SORCS1: variants seen among roughly 807,000 people sequenced by gnomAD.
SORCS1 encodes VPS10 domain-containing receptor SorCS1.
Under a neutral mutation model 146.1 loss-of-function variants are expected in SORCS1, and 60 were observed. That is an observed-to-expected ratio of 0.41 (90% CI 0.33 to 0.51). SORCS1 has a LOEUF of 0.51. SORCS1 is among the 20% of genes least tolerant of loss of function. The pLI, the probability that SORCS1 is intolerant of heterozygous loss-of-function variation, is 0.21. For missense variants in SORCS1, 1,352 were observed against 1,487.6 expected (o/e 0.91, Z 1.50); for synonymous variants, 637 against 584.0 (o/e 1.09, Z -1.31).
chr10:106,680,526 G>A (rs996157439), intron 10 of SORCS1, among the ~76,000 whole-genome samples: 57 of 152,144 alleles, frequency 3.7e-4, no homozygotes. Context: ...AGTCACACTT[G>A]TAGACAAAAT....
At chr10:106,822,501 G>C (rs1177557892) in intron 3 of SORCS1, among the ~76,000 whole-genome samples, 2 of 152,120 alleles carry the variant, frequency 1.3e-5, no homozygotes, top group Non-Finnish European at 2.9e-5. Context: ...TGAAACCCAG[G>C]GGATTACTGT....
intron 3 of SORCS1, among the ~76,000 whole-genome samples, chr10:106,780,894 G>A (rs1860837953): frequency 6.6e-6 from 1 of 151,746 alleles, no homozygotes; most frequent in African/African-American, 2.4e-5. Flanking sequence ...ACTTCAGAAG[G>A]AAGAAGAAAC....
At chr10:106,742,339 T>C (rs1857421186) in intron 5 of SORCS1, among the ~76,000 whole-genome samples, 1 of 152,184 alleles carries the variant, frequency 6.6e-6, no homozygotes, top group Admixed American at 6.5e-5. Context: ...AAAATCCATT[T>C]ATGTTTTATA....
At chr10:106,668,194 A>G (rs1006497903) in intron 16 of SORCS1, among the ~76,000 whole-genome samples, 3 of 152,200 alleles carry the variant, frequency 2.0e-5, no homozygotes, top group Non-Finnish European at 2.9e-5. Context: ...TAACACGGCC[A>G]CATGTGGCAC....
At chr10:106,578,185 GAC>G (rs1844680565) in intron 25 of SORCS1, 1 of 152,172 alleles carries the variant, frequency 6.6e-6, no homozygotes, top group African/African-American at 2.4e-5. Flanking sequence ...AATGCCAACA[GAC>G]AGGAGGAACC....
At chr10:107,112,264 C>A (rs908532014) in intron 1 of SORCS1, among the ~76,000 whole-genome samples, 1 of 151,918 alleles carries the variant, frequency 6.6e-6, no homozygotes, top group African/African-American at 2.4e-5. Flanking sequence ...TGGGGCAGTA[C>A]AAACATAGAG....
chr10:107,174,052 T>G, the SORCS1 span, among the ~76,000 whole-genome samples: 2 of 152,218 alleles, frequency 1.3e-5, no homozygotes, highest in Admixed American at 1.3e-4. Flanking sequence ...AGGATTGCAT[T>G]GTATGTATAG....
chr10:106,961,935 C>T (rs1376129063), intron 1 of SORCS1, among the ~76,000 whole-genome samples: 1 of 152,238 alleles, frequency 6.6e-6, no homozygotes, highest in Non-Finnish European at 1.5e-5. Flanking sequence ...CTGCTTTCTT[C>T]TACCATCAGC....
intron 21 of SORCS1, 123 bp downstream of exon 21, chr10:106,618,026 C>T: frequency 1.5e-6 from 2 of 1,316,986 alleles, no homozygotes; most frequent in Non-Finnish European, 1.0e-6. Flanking sequence ...AGCTCTTTCT[C>T]AACTACTGCC....
intron 5 of SORCS1, among the ~76,000 whole-genome samples, chr10:106,730,959 C>T (rs1461581354): frequency 5.3e-5 from 8 of 152,110 alleles, no homozygotes; most frequent in Admixed American, 5.2e-4. Flanking sequence ...CCTCTGCCTG[C>T]CCCCAGCCAC....
At chr10:106,799,308 A>G (rs1026949837) in intron 3 of SORCS1, among the ~76,000 whole-genome samples, 1 of 152,348 alleles carries the variant, frequency 6.6e-6, no homozygotes, top group East Asian at 1.9e-4. Flanking sequence ...ACCATTCAGG[A>G]CCTAGGCATG....
chr10:106,948,469 C>T (rs1219257726), intron 2 of SORCS1, among the ~76,000 whole-genome samples: 1 of 151,544 alleles, frequency 6.6e-6, no homozygotes, highest in African/African-American at 2.4e-5. Flanking sequence ...AGCCAGGGGT[C>T]CAAGACCAGT....
chr10:106,936,851 T>A (rs747142518), intron 2 of SORCS1, among the ~76,000 whole-genome samples: 1 of 152,214 alleles, frequency 6.6e-6, no homozygotes, highest in Non-Finnish European at 1.5e-5. Context: ...GGTAGGAAAC[T>A]ATTCTTCAAG....
Position 106,829,623 on chromosome 10 carries a change from A to G in SORCS1, c.677T>C (p.Leu226Ser). The G allele has an allele frequency of 6.2e-7, 1 of 1,608,602 alleles. No individual in the cohort carries two copies. Among genetic ancestry groups the G allele is most frequent in the South Asian group, 1.1e-5 (1 of 90,734 alleles). The change falls in exon 3 of 26, where the codon TTG (leucine) becomes TCG (serine). Residue 226 changes from leucine to serine, a missense_variant. This residue lies in a region of SORCS1 where 490 missense variants were observed against 489.1 expected (regional missense o/e 1.00). Transcript: ENST00000263054. Reference sequence around the variant, plus strand: ...ATAGAGATAGCTCAAAATGGTTTTCAAACCAACTTTATCATTCAGCTTCTC... The same window carrying G: ...ATAGAGATAGCTCAAAATGGTTTTCGAACCAACTTTATCATTCAGCTTCTC... ...TYEKLNDKVG[L>S]KTILSYLYVC...
intron 4 of SORCS1, among the ~76,000 whole-genome samples, chr10:106,767,934 T>C (rs1859704590): frequency 6.6e-6 from 1 of 152,212 alleles, no homozygotes; most frequent in Non-Finnish European, 1.5e-5. Context: ...TTAAACCCAA[T>C]TGCTTGTTTT....
chr10:106,696,560 C>T (rs1381094750), intron 9 of SORCS1, among the ~76,000 whole-genome samples: 1 of 152,136 alleles, frequency 6.6e-6, no homozygotes. Context: ...TTACATAATA[C>T]AGTCACATCA....
At chr10:106,790,059 G>A (rs371150175) in intron 3 of SORCS1, among the ~76,000 whole-genome samples, 62 of 152,292 alleles carry the variant, frequency 4.1e-4, no homozygotes, top group African/African-American at 1.5e-3. Flanking sequence ...CCATGATCCA[G>A]GTCTCTCCCT....
At chr10:107,069,363 C>A (rs1962217351) in intron 1 of SORCS1, among the ~76,000 whole-genome samples, 1 of 151,968 alleles carries the variant, frequency 6.6e-6, no homozygotes, top group Non-Finnish European at 1.5e-5. Flanking sequence ...ATTTTCTTTT[C>A]TTTTCCTTTT....
At chr10:106,801,782 G>A (rs1435896306) in intron 3 of SORCS1, among the ~76,000 whole-genome samples, 2 of 151,990 alleles carry the variant, frequency 1.3e-5, no homozygotes, top group East Asian at 3.9e-4. Context: ...TGCCCTCCTT[G>A]GCCTCCCAAA....
Sources: gnomAD v4.1 joint callset for allele counts (sites outside exome capture counted in the v4.1 genomes callset) on GRCh38, gnomAD v4.1.1 for gene constraint, gnomAD v4.1.1 regional missense constraint, MANE v1.5 for transcripts, NCBI Gene and HGNC (gene_info 2026-07-23, HGNC 2026-07-21) for gene names.